The following GYS2 variants were observed in gnomAD, a reference collection of about 807,000 sequenced individuals.
GYS2 encodes the protein glycogen [starch] synthase, liver.
In GYS2, 80 loss-of-function variants were observed where a neutral mutation model predicts 85.6. The observed-to-expected ratio is 0.93, with a 90% CI of 0.78 to 1.13. The LOEUF (loss-of-function observed/expected upper bound fraction) is 1.13. GYS2 is among the 50% of genes most tolerant of loss of function. GYS2 has a pLI of 0.00. For missense variants in GYS2, 881 were observed against 854.9 expected (o/e 1.03, Z -0.38); for synonymous variants, 328 against 300.7 (o/e 1.09, Z -0.94).
chr12:21,568,943 C>G lies in GYS2; in HGVS notation c.745G>C (p.Val249Leu), dbSNP rs778872253. Residue 249 changes from valine to leucine, a missense_variant, in exon 5 of 16, where the codon GTT (valine) becomes CTT (leucine). Val to Leu is a conservative substitution (Grantham distance 32, BLOSUM62 1). Coordinates refer to ENST00000261195, the MANE Select transcript of GYS2 (RefSeq NM_021957.4). The part of the protein sequence containing the change: ...YHRYCMERAS[V>L]HCAHVFTTVS... ...GTGGTGAACACGTGAGCGCAATGAA[C>G]GGAAGCTCGCTCCATGCAGTACCGG... The G allele has an allele frequency of 6.2e-7, 1 of 1,613,496 alleles. No homozygotes were observed. Among genetic ancestry groups the G allele is most frequent in the Non-Finnish European group, 8.5e-7 (1 of 1,179,510 alleles).
In GYS2 at chr12:21,563,314, C is replaced by A. The variant is rs1414686136; in HGVS notation, c.855G>T (p.Lys285Asn). The A allele has an allele frequency of 6.2e-7, 1 of 1,608,924 alleles. No homozygotes were observed. The highest frequency in any genetic ancestry group is 8.5e-7 in the Non-Finnish European group (1 of 1,175,524). ...DVVTPNGLNV[K>N]KFSAVHEFQN... ...GAAACTCATGCACTGCTGAAAATTT[C>A]TTAACATTCAAGCCGTTTGGAGTAA... Residue 285 changes from lysine to asparagine, a missense_variant, in exon 6 of 16, where the codon AAG becomes AAT. Physicochemically the swap from Lys to Asn is moderately conservative, Grantham distance 94. Coordinates refer to ENST00000261195, the MANE Select transcript of GYS2 (RefSeq NM_021957.4).
intron 1 of GYS2, among the ~76,000 whole-genome samples, chr12:21,593,443 C>T (rs183661721): frequency 7.9e-5 from 12 of 151,440 alleles, no homozygotes; most frequent in East Asian, 3.9e-4. Flanking sequence ...ATATTACAAC[C>T]GATACCACAG....
intron 4 of GYS2, among the ~76,000 whole-genome samples, chr12:21,571,955 C>T (rs1364606893): frequency 9.3e-6 from 1 of 107,460 alleles, no homozygotes; most frequent in African/African-American, 3.7e-5. Context: ...AGCAAGACTC[C>T]GCGTCAAAAA....
At chr12:21,546,152 C>G (rs1944036636) in intron 12 of GYS2, among the ~76,000 whole-genome samples, 192 bp downstream of exon 12, 1 of 152,090 alleles carries the variant, frequency 6.6e-6, no homozygotes, top group Non-Finnish European at 1.5e-5. Context: ...ATATAATCTT[C>G]ATCCTTATTC....
chr12:21,588,600 T>C (rs1176627370), intron 1 of GYS2, among the ~76,000 whole-genome samples: 3 of 152,230 alleles, frequency 2.0e-5, no homozygotes, highest in Non-Finnish European at 4.4e-5. Context: ...AAAAGAAGTT[T>C]AAACTGTCAT....
rs773207549 is a variant in GYS2, at chr12:21,604,798, C to T, written c.-206G>A. The stretch of plus-strand genomic sequence containing the variant: ...AGGAGGAATTCTTCCTCCTCTTTCT[C>T]GTCTTTCTGGGCAGGTATTGTGAGG... On this transcript the variant is annotated 5_prime_UTR_variant, in exon 1 of 16. Coordinates refer to ENST00000261195, the MANE Select transcript of GYS2 (RefSeq NM_021957.4). 3.7e-6 allele frequency: 5 copies of T among 1,349,968 alleles called. No homozygotes were observed. The highest frequency in any genetic ancestry group is 3.8e-6 in the Non-Finnish European group (4 of 1,042,904). 83.6% of individuals were successfully genotyped at this position (1,349,968 alleles called of 1,614,324 possible). A position where few individuals can be genotyped will look rare whatever the true frequency, so the allele number is the denominator to read the frequency against.
intron 12 of GYS2, 41 bp from the exon 13 acceptor site, chr12:21,542,632 G>T (rs368961972): frequency 7.4e-7 from 1 of 1,345,950 alleles, no homozygotes; most frequent in South Asian, 1.2e-5. Context: ...TCAGACCAGC[G>T]CCTATATCCT....
At chr12:21,586,479 C>A (rs1255501305) in intron 1 of GYS2, among the ~76,000 whole-genome samples, 1 of 151,892 alleles carries the variant, frequency 6.6e-6, no homozygotes, top group Non-Finnish European at 1.5e-5. Context: ...TTAGTTCTGT[C>A]TCTCTAGGGA....
Position 21,588,167 on chromosome 12 carries a change from G to A in GYS2, c.122-7644C>T, listed in dbSNP as rs192759728. Among the ~76,000 whole-genome samples, 100 of 152,266 alleles carry A rather than the reference G, an allele frequency of 6.6e-4. 2 individuals are homozygous for A. The East Asian group carries it at 0.012, about 18-fold the overall frequency. On this transcript the variant is annotated intron_variant, in intron 1 of 15. Coordinates refer to ENST00000261195, the MANE Select transcript of GYS2 (RefSeq NM_021957.4). Reference sequence around the variant, plus strand: ...TCAATCTTCAACTCAATTGCAAAAAGCAATTTTATTACTTATATATTACTT... The same window carrying A: ...TCAATCTTCAACTCAATTGCAAAAAACAATTTTATTACTTATATATTACTT...
chr12:21,597,703 T>C (rs940192761), intron 1 of GYS2, among the ~76,000 whole-genome samples: 3 of 152,118 alleles, frequency 2.0e-5, no homozygotes, highest in African/African-American at 7.2e-5. Context: ...ACTGGGTATT[T>C]ATCCAAAGGA....
At chr12:21,552,871 C>CTA in intron 11 of GYS2, among the ~76,000 whole-genome samples, 1 of 152,266 alleles carries the variant, frequency 6.6e-6, no homozygotes, top group Non-Finnish European at 1.5e-5. Flanking sequence ...TTTTATAAAA[C>CTA]GTCTTACCAA....
At chr12:21,532,785 C>T (rs1324975486), downstream of GYS2, 1 of 152,196 alleles carries the variant, frequency 6.6e-6, no homozygotes, top group African/African-American at 2.4e-5. Flanking sequence ...CTTCCTACAA[C>T]TAACCAGAAC....
chr12:21,540,166 G>C (rs977115935), intron 14 of GYS2, among the ~76,000 whole-genome samples: 2 of 152,164 alleles, frequency 1.3e-5, no homozygotes, highest in African/African-American at 4.8e-5. Context: ...ACTGACAATG[G>C]AATAGCTAGT....
In GYS2 at chr12:21,575,288, T is replaced by TGGGC. The variant is rs575234944; in HGVS notation, c.495+574_495+577dup. 2.0e-3 allele frequency among the ~76,000 whole-genome samples: 309 copies of TGGGC among 152,286 alleles called. 1 individual carries two copies. Among genetic ancestry groups the TGGGC allele is most frequent in the African/African-American group, 7.1e-3 (296 of 41,564 alleles). ...CCCCAGGGTCTAGTTCCAAATCAGG[T>TGGGC]GGGCATCCGTATCTTTGCCTTACAA... On this transcript the variant is annotated intron_variant, in intron 3 of 15. Coordinates refer to ENST00000261195, the MANE Select transcript of GYS2 (RefSeq NM_021957.4).
chr12:21,587,630 G>T (rs547373400), intron 1 of GYS2, among the ~76,000 whole-genome samples: 2 of 151,916 alleles, frequency 1.3e-5, no homozygotes, highest in East Asian at 3.9e-4. Context: ...ACAATTAAAC[G>T]TTTTTTCCTT....
chr12:21,558,291 G>A lies in GYS2; in HGVS notation c.1331C>T (p.Thr444Ile), dbSNP rs759192462. Residue 444 changes from threonine to isoleucine, a missense_variant, in exon 11 of 16, where the codon ACC (threonine) becomes ATC (isoleucine). Physicochemically the swap from Thr to Ile is moderately conservative, Grantham distance 89. Transcript: ENST00000261195. Reference protein sequence around the residue: ...STQRQSLPPVTTHNMIDDSTD... With the variant: ...STQRQSLPPVITHNMIDDSTD... ...GGAGTCATCAATCATGTTGTGCGTG[G>A]TCACTGGGGGCAATGACTGTCGCTG... 1 of 1,612,482 alleles carries A rather than the reference G, an allele frequency of 6.2e-7. No individual in the cohort carries two copies. The highest frequency in any genetic ancestry group is 8.5e-7 in the Non-Finnish European group (1 of 1,178,528).
intron 1 of GYS2, among the ~76,000 whole-genome samples, chr12:21,599,704 C>A (rs1463518310): frequency 6.6e-6 from 1 of 152,120 alleles, no homozygotes; most frequent in Non-Finnish European, 1.5e-5. Context: ...TACTATGCAT[C>A]CCGTGATTGA....
chr12:21,589,642 G>T (rs1424246281), intron 1 of GYS2, among the ~76,000 whole-genome samples: 1 of 152,126 alleles, frequency 6.6e-6, no homozygotes, highest in Admixed American at 6.5e-5. Context: ...GGCCAGAGAG[G>T]CTCCCCAGTG....
At chr12:21,559,996 A>G (rs1871139) in intron 8 of GYS2, among the ~76,000 whole-genome samples, 113,477 of 152,078 alleles carry the variant, frequency 0.75, 42,603 homozygotes, top group South Asian at 0.8. Context: ...GGAGTAGATG[A>G]AGGTATAGGT....
Sources: allele counts gnomAD v4.1 joint callset (sites outside exome capture counted in the v4.1 genomes callset), GRCh38; gene constraint gnomAD v4.1.1; transcripts MANE v1.5; gene names NCBI Gene and HGNC (gene_info 2026-07-23, HGNC 2026-07-21).